Variants in TLN2 observed in about 807,000 individuals in gnomAD.
The protein encoded by TLN2 is talin-2.
Under a neutral mutation model 294.7 loss-of-function variants are expected in TLN2, and 118 were observed. That is an observed-to-expected ratio of 0.40 (90% CI 0.34 to 0.47). The LOEUF is 0.47. Among genes scored for constraint, TLN2 ranks in the 20% least tolerant of loss-of-function variants. The pLI is 0.84. For synonymous variants in TLN2, 1,431 were observed against 1,304.5 expected, an observed-to-expected ratio of 1.10 and a Z score of -2.09; for missense variants, 3,083 against 3,282.2, an observed-to-expected ratio of 0.94 and a Z score of 1.48.
rs373436991 is a variant in TLN2, at chr15:62,623,345, C to T, written c.-37+4870C>T. Among the ~76,000 whole-genome samples the T allele has an allele frequency of 2.3e-4, 35 of 152,264 alleles. No homozygotes were observed. The East Asian group carries it at 3.7e-3, about 16-fold the overall frequency. ...TGCAGGAAATCATTTGTTCTATTTT[C>T]GCTGAAAATCTCACAGGTCATAAGT... is the stretch of plus-strand genomic sequence containing the variant. On this transcript the variant is annotated intron_variant, in intron 3 of 58. Coordinates refer to ENST00000636159, the MANE Select transcript of TLN2 (RefSeq NM_015059.3).
rs189991899 is a variant in TLN2, at chr15:62,412,824, C to T, written c.-238+22139C>T. 7.1e-4 allele frequency among the ~76,000 whole-genome samples: 108 copies of T among 152,304 alleles called. 1 individual carries two copies. The highest frequency in any genetic ancestry group is 3.4e-3 in the Middle Eastern group (1 of 294). On this transcript the variant is annotated intron_variant, in intron 1 of 58. Coordinates refer to ENST00000636159, the MANE Select transcript of TLN2 (RefSeq NM_015059.3). ...CACTTGCCAAATGGCTTGAAATAAG[C>T]GTCCGTGCACATTTCTGAAAAGACA...
chr15:62,805,372 C>G (rs1003576367), intron 50 of TLN2, among the ~76,000 whole-genome samples: 1 of 152,138 alleles, frequency 6.6e-6, no homozygotes, highest in East Asian at 1.9e-4. Flanking sequence ...GTCTCCCTCA[C>G]CATATTGTTC....
intron 54 of TLN2, among the ~76,000 whole-genome samples, chr15:62,821,389 G>A (rs1219957410): frequency 2.0e-5 from 3 of 152,160 alleles, no homozygotes; most frequent in Non-Finnish European, 4.4e-5. Flanking sequence ...TATTTCCAAG[G>A]ACCCAGATAT....
chr15:62,427,342 T>C (rs910448840), intron 1 of TLN2, among the ~76,000 whole-genome samples: 1 of 152,146 alleles, frequency 6.6e-6, no homozygotes, highest in African/African-American at 2.4e-5. Flanking sequence ...TTCTGTCTAC[T>C]TGGGGTTACT....
intron 54 of TLN2, among the ~76,000 whole-genome samples, chr15:62,827,037 A>ATTGTGT (rs1333867371): frequency 2.0e-5 from 3 of 149,828 alleles, no homozygotes; most frequent in Non-Finnish European, 4.4e-5. Context: ...AAGGGCGACC[A>ATTGTGT]TTGTGTTTTT....
rs11857212 is a variant in TLN2 at position 62,584,331 on chromosome 15, A to G, written c.-237-5356A>G. ...CCTTTATACTGAGAATCTTTTTTGC[A>G]TGTAACACTTTTTACCTCCTAGTTT... On this transcript the variant is annotated intron_variant, in intron 1 of 58. Coordinates refer to ENST00000636159, the MANE Select transcript of TLN2 (RefSeq NM_015059.3). Among the ~76,000 whole-genome samples the G allele has an allele frequency of 7.5e-3, 1,142 of 152,264 alleles. 11 individuals carry two copies. The highest frequency in any genetic ancestry group is 0.017 in the Middle Eastern group (5 of 294).
In TLN2 at chr15:62,840,804, G is replaced by A. The variant is rs2070592816; in HGVS notation, c.*194G>A. On this transcript the variant is annotated 3_prime_UTR_variant, in exon 59 of 59. Coordinates refer to ENST00000636159, the MANE Select transcript of TLN2 (RefSeq NM_015059.3). ...TGATCGTGATGTCACACGGTACAATGTCCTACCCACAACTCCTCTGCCGCC... is the reference window on the plus strand; with the variant it reads ...TGATCGTGATGTCACACGGTACAATATCCTACCCACAACTCCTCTGCCGCC... The A allele has an allele frequency of 1.4e-6, 1 of 711,972 alleles. No homozygotes were observed. The highest frequency in any genetic ancestry group is 1.8e-5 in the African/African-American group (1 of 55,502). 44.1% of individuals were successfully genotyped at this position (711,972 alleles called of 1,614,324 possible).
chr15:62,515,415 C>A (rs900816000), intron 1 of TLN2, among the ~76,000 whole-genome samples: 22 of 152,276 alleles, frequency 1.4e-4, no homozygotes, highest in Admixed American at 1.3e-4. Context: ...CTCCAAAGAG[C>A]CAGCAAGTTG....
At chr15:62,677,160 C>T (rs540159015) in intron 11 of TLN2, among the ~76,000 whole-genome samples, 11 of 152,296 alleles carry the variant, frequency 7.2e-5, no homozygotes, top group African/African-American at 2.4e-4. Flanking sequence ...TTTTAGAAGG[C>T]GTGCTTTTCA....
chr15:62,467,483 A>G (rs2037204818), intron 1 of TLN2, among the ~76,000 whole-genome samples: 1 of 152,204 alleles, frequency 6.6e-6, no homozygotes, highest in South Asian at 2.1e-4. Context: ...ACCTGAGGTC[A>G]GGAGTTCGAG....
intron 51 of TLN2, among the ~76,000 whole-genome samples, chr15:62,807,217 G>T (rs546214020): frequency 6.6e-6 from 1 of 152,222 alleles, no homozygotes; most frequent in African/African-American, 2.4e-5. Context: ...TGCCAAAGGG[G>T]TTACATCCTC....
chr15:62,624,754 C>G (rs10851715), intron 3 of TLN2, among the ~76,000 whole-genome samples: 1 of 152,036 alleles, frequency 6.6e-6, no homozygotes, highest in Non-Finnish European at 1.5e-5. Flanking sequence ...CACACAATTA[C>G]GTACATAAGC....
At chr15:62,803,103 A>G (rs1324098375) in intron 50 of TLN2, among the ~76,000 whole-genome samples, 1 of 151,828 alleles carries the variant, frequency 6.6e-6, no homozygotes, top group Non-Finnish European at 1.5e-5. Context: ...ACTATTCTGG[A>G]GTAAATGTTT....
intron 1 of TLN2, among the ~76,000 whole-genome samples, chr15:62,453,936 T>C (rs532736155): frequency 2.0e-5 from 3 of 152,292 alleles, no homozygotes; most frequent in African/African-American, 7.2e-5. Flanking sequence ...GGTAGGTGGA[T>C]AAAATCAGTT....
intron 29 of TLN2, 94 bp from the exon 30 acceptor site, chr15:62,738,120 A>AT: frequency 6.8e-7 from 1 of 1,468,272 alleles, no homozygotes; most frequent in Non-Finnish European, 9.3e-7. Context: ...TCATTTCCGT[A>AT]TCTGCTTCAG....
At chr15:62,436,308 T>G (rs773678672) in intron 1 of TLN2, among the ~76,000 whole-genome samples, 2 of 152,218 alleles carry the variant, frequency 1.3e-5, no homozygotes, top group African/African-American at 2.4e-5. Context: ...ATAGCCAGGC[T>G]TCCACTTAGG....
intron 2 of TLN2, among the ~76,000 whole-genome samples, chr15:62,594,059 A>G (rs939915552): frequency 6.6e-6 from 1 of 152,254 alleles, no homozygotes; most frequent in Non-Finnish European, 1.5e-5. Flanking sequence ...AGCTGGAGGC[A>G]TTATACTACC....
chr15:62,756,228 G>A (rs7179299), intron 37 of TLN2, among the ~76,000 whole-genome samples: 92,228 of 152,030 alleles, frequency 0.61, 28,653 homozygotes, highest in Non-Finnish European at 0.68. Context: ...TAAGTGGAGC[G>A]TCAACTTTTA....
intron 19 of TLN2, among the ~76,000 whole-genome samples, 154 bp from the exon 20 acceptor site, chr15:62,706,932 T>C (rs1007229740): frequency 2.6e-5 from 4 of 152,218 alleles, no homozygotes; most frequent in Non-Finnish European, 5.9e-5. Flanking sequence ...TTTTAATTAC[T>C]TCTAAGGATA....
Sources: allele counts gnomAD v4.1 joint callset (sites outside exome capture counted in the v4.1 genomes callset), GRCh38; gene constraint gnomAD v4.1.1; transcripts MANE v1.5; gene names NCBI Gene and HGNC (gene_info 2026-07-23, HGNC 2026-07-21).